TRABD2B: variants seen among roughly 807,000 people sequenced by gnomAD.
TRABD2B encodes metalloprotease TIKI2.
TRABD2B carries 14 observed loss-of-function variants against 40.1 expected under a neutral mutation model. The ratio of observed to expected loss-of-function variants is 0.35; its 90% CI spans 0.23 to 0.55. The LOEUF (loss-of-function observed/expected upper bound fraction) is 0.55. Among genes scored for constraint, TRABD2B ranks in the 20% least tolerant of loss-of-function variants. The pLI, the probability that TRABD2B is intolerant of heterozygous loss-of-function variation, is 0.90. For missense variants in TRABD2B, 541 were observed against 648.6 expected (o/e 0.83, Z 1.80); for synonymous variants, 263 against 277.0 (o/e 0.95, Z 0.50).
chr1:47,958,119 A>G (rs958095229), intron 2 of TRABD2B, among the ~76,000 whole-genome samples: 1 of 151,584 alleles, frequency 6.6e-6, no homozygotes, highest in Non-Finnish European at 1.5e-5. Context: ...AAGCTTCATA[A>G]GTGAAGGAGA....
At chr1:47,797,511 A>C (rs1248889809) in intron 3 of TRABD2B, among the ~76,000 whole-genome samples, 1 of 152,196 alleles carries the variant, frequency 6.6e-6, no homozygotes, top group South Asian at 2.1e-4. Context: ...TCCTGACCAC[A>C]AATGTGCATG....
chr1:47,772,743 G>A (rs570460585), intron 6 of TRABD2B, among the ~76,000 whole-genome samples: 1 of 152,160 alleles, frequency 6.6e-6, no homozygotes, highest in Non-Finnish European at 1.5e-5. Flanking sequence ...GACTGCAGGA[G>A]GGTGGGATGA....
At chr1:47,894,694 G>C (rs553697289) in intron 2 of TRABD2B, among the ~76,000 whole-genome samples, 1 of 152,328 alleles carries the variant, frequency 6.6e-6, no homozygotes, top group African/African-American at 2.4e-5. Flanking sequence ...CCAGCAGTAT[G>C]TGTGAGTGCT....
At chr1:47,974,925 C>T (rs902301941) in intron 2 of TRABD2B, among the ~76,000 whole-genome samples, 8 of 152,320 alleles carry the variant, frequency 5.3e-5, no homozygotes, top group Admixed American at 5.2e-4. Context: ...CCAAAACACA[C>T]AATTCCACTC....
intron 2 of TRABD2B, among the ~76,000 whole-genome samples, chr1:47,846,072 G>A (rs1027594683): frequency 6.6e-6 from 1 of 152,162 alleles, no homozygotes; most frequent in Non-Finnish European, 1.5e-5. Context: ...TCCCATACCT[G>A]GCTTTATGGC....
chr1:47,860,363 T>G (rs1373887543), intron 2 of TRABD2B, among the ~76,000 whole-genome samples: 1 of 152,158 alleles, frequency 6.6e-6, no homozygotes, highest in Non-Finnish European at 1.5e-5. Context: ...TACTGTGACC[T>G]ATGTGAGTTG....
At chr1:47,805,732 A>G (rs1051059983) in intron 2 of TRABD2B, among the ~76,000 whole-genome samples, 2 of 152,026 alleles carry the variant, frequency 1.3e-5, no homozygotes, top group Non-Finnish European at 2.9e-5. Flanking sequence ...AGCACTTACT[A>G]TGTGTCAGGA....
At chr1:47,945,240 G>A (rs745957939) in intron 2 of TRABD2B, among the ~76,000 whole-genome samples, 1 of 152,150 alleles carries the variant, frequency 6.6e-6, no homozygotes, top group South Asian at 2.1e-4. Context: ...CCAGGGAGAC[G>A]ATGAGCCCCC....
intron 2 of TRABD2B, among the ~76,000 whole-genome samples, chr1:47,814,573 C>T (rs1645005091): frequency 6.6e-6 from 1 of 152,206 alleles, no homozygotes; most frequent in African/African-American, 2.4e-5. Flanking sequence ...CTGAGGCTTT[C>T]CTATTGCCCA....
intron 2 of TRABD2B, among the ~76,000 whole-genome samples, chr1:47,904,859 C>T (rs1644654587): frequency 6.6e-6 from 1 of 152,346 alleles, no homozygotes; most frequent in South Asian, 2.1e-4. Flanking sequence ...ATAATATCCT[C>T]TGTGCTCTCT....
intron 2 of TRABD2B, among the ~76,000 whole-genome samples, chr1:47,955,021 A>AT (rs138647806): frequency 0.023 from 3,568 of 152,104 alleles, 110 homozygotes; most frequent in Admixed American, 0.09. Context: ...AGTCCTTCAC[A>AT]TTCACCTTGA....
Position 47,973,897 on chromosome 1 carries a change from A to G in TRABD2B, c.666+20137T>C, listed in dbSNP as rs1041716721. On this transcript the variant is annotated intron_variant, in intron 2 of 6. Coordinates refer to ENST00000606738, the MANE Select transcript of TRABD2B (RefSeq NM_001194986.2). ...GGTGGGCCAATAGCTTGAGCTCCGGAGTTCGAGACCAGCCTGGGCAAGATA... is the reference window on the plus strand; with the variant it reads ...GGTGGGCCAATAGCTTGAGCTCCGGGGTTCGAGACCAGCCTGGGCAAGATA... Among the ~76,000 whole-genome samples the G allele has an allele frequency of 1.2e-4, 19 of 152,180 alleles. 1 individual carries two copies. The highest frequency in any genetic ancestry group is 1.1e-3 in the Admixed American group (17 of 15,286).
Position 47,975,905 on chromosome 1 carries a change from G to C in TRABD2B, c.666+18129C>G, listed in dbSNP as rs140992776. 1.9e-3 allele frequency among the ~76,000 whole-genome samples: 293 copies of C among 152,264 alleles called. 2 individuals carry two copies. Among genetic ancestry groups the C allele is most frequent in the African/African-American group, 6.3e-3 (260 of 41,552 alleles). ...TGGAGTGACAAGAGGAAGGACAGAGGGCACCCCAGGGTAAGCACAGAGTCC... is the reference window on the plus strand; with the variant it reads ...TGGAGTGACAAGAGGAAGGACAGAGCGCACCCCAGGGTAAGCACAGAGTCC... On this transcript the variant is annotated intron_variant, in intron 2 of 6. Transcript: ENST00000606738.
At chr1:47,993,141 C>T (rs1418555465) in intron 2 of TRABD2B, among the ~76,000 whole-genome samples, 1 of 152,172 alleles carries the variant, frequency 6.6e-6, no homozygotes, top group Non-Finnish European at 1.5e-5. Context: ...AGGAAATTGA[C>T]CCAAGCCCCA....
rs1010977053 is a variant in TRABD2B, at chr1:47,768,976, A to C, written c.1350-2870T>G. On this transcript the variant is annotated intron_variant, in intron 6 of 6. Coordinates refer to ENST00000606738, the MANE Select transcript of TRABD2B (RefSeq NM_001194986.2). The stretch of plus-strand genomic sequence containing the variant: ...GGAGCCGTCCCTGAATGAACAGATG[A>C]GCAAACCCCTGATGGAGAGCCCATG... Among the ~76,000 whole-genome samples the C allele has an allele frequency of 1.7e-4, 26 of 152,168 alleles. 1 individual carries two copies. The highest frequency in any genetic ancestry group is 3.5e-4 in the Non-Finnish European group (24 of 68,034).
intron 2 of TRABD2B, among the ~76,000 whole-genome samples, chr1:47,947,087 GA>G (rs1366903684): frequency 2.0e-5 from 3 of 152,142 alleles, no homozygotes; most frequent in Admixed American, 2.0e-4. Context: ...TTTTAAGGAT[GA>G]GAAAGTTTAG....
intron 2 of TRABD2B, among the ~76,000 whole-genome samples, chr1:47,870,736 G>A (rs186135305): frequency 3.9e-5 from 6 of 152,280 alleles, no homozygotes; most frequent in Non-Finnish European, 7.3e-5. Context: ...TACATCACAA[G>A]CCAGCATGAC....
intron 2 of TRABD2B, among the ~76,000 whole-genome samples, chr1:47,950,163 T>C (rs77702857): frequency 4.3e-4 from 66 of 152,026 alleles, no homozygotes; most frequent in African/African-American, 1.5e-3. Flanking sequence ...TGGGCGCCTG[T>C]AGTCCCAGCT....
At chr1:47,829,758 C>T (rs895276835) in intron 2 of TRABD2B, among the ~76,000 whole-genome samples, 1 of 152,218 alleles carries the variant, frequency 6.6e-6, no homozygotes, top group South Asian at 2.1e-4. Context: ...TCATGCATGA[C>T]ACTTAGGACA....
Sources: gnomAD v4.1 joint callset for allele counts (sites outside exome capture counted in the v4.1 genomes callset) on GRCh38, gnomAD v4.1.1 for gene constraint, MANE v1.5 for transcripts, NCBI Gene and HGNC (gene_info 2026-07-23, HGNC 2026-07-21) for gene names.